The following PRPF31 variants were observed in gnomAD, a reference collection of about 807,000 sequenced individuals.
The protein encoded by PRPF31 is U4/U6 small nuclear ribonucleoprotein Prp31.
PRPF31 carries 12 observed loss-of-function variants against 60.4 expected under a neutral mutation model. That is an observed-to-expected ratio of 0.20 (90% confidence interval 0.13 to 0.32). The LOEUF is 0.32. PRPF31 is among the 10% of genes least tolerant of loss of function. PRPF31 has a pLI of 1.00. For missense variants in PRPF31, 431 were observed against 687.1 expected (o/e 0.63, Z 4.17); for synonymous variants, 287 against 287.9 (o/e 1.00, Z 0.03).
chr19:54,121,993 C>A lies in PRPF31; in HGVS notation c.322+50C>A, dbSNP rs373108364. ...ACAGCCCCGTGTGACGTCCCTCACG[C>A]CCCCTCTCCCTTCCCCACTGGCCTT... On this transcript the variant is annotated intron_variant, in intron 4 of 13. Coordinates refer to ENST00000321030, the MANE Select transcript of PRPF31 (RefSeq NM_015629.4). The A allele has an allele frequency of 1.8e-5, 27 of 1,537,610 alleles. No individual in the cohort carries two copies. In the African/African-American group the frequency reaches 3.4e-4, roughly 19 times the overall value.
intron 8 of PRPF31, among the ~76,000 whole-genome samples, chr19:54,126,011 G>A (rs2073912590): frequency 6.6e-6 from 1 of 152,234 alleles, no homozygotes. Context: ...CTGTAAGGGA[G>A]GCCAGGGCTG....
At chr19:54,116,502 G>A (rs1043127183) in intron 1 of PRPF31, among the ~76,000 whole-genome samples, 1 of 152,110 alleles carries the variant, frequency 6.6e-6, no homozygotes, top group African/African-American at 2.4e-5. Flanking sequence ...CACCGCTCCC[G>A]GCCTTTTACA....
intron 8 of PRPF31, among the ~76,000 whole-genome samples, chr19:54,125,532 C>T (rs2073900284): frequency 6.6e-6 from 1 of 151,194 alleles, no homozygotes; most frequent in African/African-American, 2.4e-5. Flanking sequence ...GGTTCTGGGA[C>T]AGACAGGCCT....
chr19:54,118,715 G>A, intron 3 of PRPF31, 82 bp downstream of exon 3: 1 of 1,407,432 alleles, frequency 7.1e-7, no homozygotes, highest in South Asian at 1.2e-5. Context: ...TTGTGGCTGG[G>A]TATATCTCCT....
Position 54,118,611 on chromosome 19 carries a change from C to T in PRPF31, c.216C>T (p.Ser72=). 1 of 1,614,104 alleles carries T rather than the reference C, an allele frequency of 6.2e-7. No individual in the cohort carries two copies. ...EIMMKIEEYI[S]KQAKASEVMG... is the part of the protein sequence containing the mutation. ...TGATGAAGATTGAGGAGTATATCAG[C>T]AAGCAAGCCAAAGCTTCAGAAGGTG... is the stretch of plus-strand genomic sequence containing the variant. The change falls in exon 3 of 14, where the codon AGC becomes AGT. Residue 72 remains serine (S), a synonymous_variant. Coordinates refer to ENST00000321030, the MANE Select transcript of PRPF31 (RefSeq NM_015629.4).
At chr19:54,129,465 C>T (rs2146451402) in intron 13 of PRPF31, 95 bp downstream of exon 13, 1 of 1,413,134 alleles carries the variant, frequency 7.1e-7, no homozygotes, top group Non-Finnish European at 9.7e-7. Flanking sequence ...TGAGTCTCCT[C>T]ATGGGGCTGT....
At chr19:54,122,262 G>A (rs1424414285) in intron 4 of PRPF31, 5 of 631,416 alleles carry the variant, frequency 7.9e-6, no homozygotes, top group South Asian at 3.7e-5. Context: ...CCAGCAAGGC[G>A]CTTCTTTTCT....
chr19:54,130,517 T>C (rs1441112396), intron 13 of PRPF31, among the ~76,000 whole-genome samples: 33 of 151,466 alleles, frequency 2.2e-4, no homozygotes, highest in African/African-American at 7.0e-4. Flanking sequence ...CCCAGCTACT[T>C]GGGAGGCTGA....
chr19:54,115,875 G>C lies in PRPF31; in HGVS notation c.-9+78G>C, dbSNP rs1600316028. On this transcript the variant is annotated intron_variant, in intron 1 of 13. Transcript: ENST00000321030. ...AGAAGAAGTGTGTGAGGAAAAAGGCGGGTCTTTACAGCTTGGTTTTTGTTT... is the reference window on the plus strand; with the variant it reads ...AGAAGAAGTGTGTGAGGAAAAAGGCCGGTCTTTACAGCTTGGTTTTTGTTT... 3 of 192,774 alleles carry C rather than the reference G, an allele frequency of 1.6e-5. No individual in the cohort carries two copies. In the East Asian group the frequency reaches 2.5e-4, roughly 16 times the overall value. 11.9% of individuals were successfully genotyped at this position (192,774 alleles called of 1,614,324 possible). A position where few individuals can be genotyped will look rare whatever the true frequency, so the allele number is the denominator to read the frequency against.
intron 7 of PRPF31, chr19:54,124,245 ACG>A: frequency 7.9e-6 from 5 of 634,460 alleles, no homozygotes; most frequent in Admixed American, 2.9e-5. Context: ...CTTAGCACAA[ACG>A]TGGTGGTCAG....
At chr19:54,124,397 T>G in intron 7 of PRPF31, 102 bp from the exon 8 acceptor site, 6 of 1,103,760 alleles carry the variant, frequency 5.4e-6, no homozygotes, top group Non-Finnish European at 6.8e-6. Flanking sequence ...GAACTTCATG[T>G]AAAGGTGCCC....
chr19:54,128,971 G>C, intron 11 of PRPF31, 86 bp from the exon 12 acceptor site: 3 of 1,403,668 alleles, frequency 2.1e-6, no homozygotes, highest in Non-Finnish European at 2.0e-6. Context: ...GTGACCGCTG[G>C]GCTTCGGGCT....
At chr19:54,119,336 C>T (rs1396924212) in intron 3 of PRPF31, among the ~76,000 whole-genome samples, 1 of 150,920 alleles carries the variant, frequency 6.6e-6, no homozygotes, top group African/African-American at 2.4e-5. Flanking sequence ...GAGCCGAGAT[C>T]GTGCCACTGC....
chr19:54,127,683 A>G (rs2146441808), intron 9 of PRPF31, among the ~76,000 whole-genome samples: 1 of 152,206 alleles, frequency 6.6e-6, no homozygotes, highest in Non-Finnish European at 1.5e-5. Context: ...GGGAGAGGAG[A>G]CGTTTTCTGT....
intron 8 of PRPF31, chr19:54,125,150 A>C (rs1437654089): frequency 4.5e-6 from 1 of 220,334 alleles, no homozygotes; most frequent in Non-Finnish European, 9.3e-6. Context: ...CTCTCCCTGC[A>C]GTCGGGACAC....
chr19:54,121,397 A>G (rs2073785137), intron 3 of PRPF31, among the ~76,000 whole-genome samples: 1 of 137,492 alleles, frequency 7.3e-6, no homozygotes, highest in African/African-American at 2.6e-5. Flanking sequence ...GTGTGGTGAG[A>G]GGATGGGGCG....
intron 5 of PRPF31, chr19:54,122,859 A>G (rs2073826853): frequency 1.7e-6 from 1 of 585,604 alleles, no homozygotes; most frequent in African/African-American, 1.9e-5. Context: ...GTGGCATTGG[A>G]GTTGACATCC....
At chr19:54,120,895 T>C (rs1297204326) in intron 3 of PRPF31, among the ~76,000 whole-genome samples, 1 of 152,196 alleles carries the variant, frequency 6.6e-6, no homozygotes, top group African/African-American at 2.4e-5. Context: ...ATTACAGGTA[T>C]GAGCCACTGT....
At position 54,122,494 on chromosome 19, in the gene PRPF31, T is replaced by C. The variant is rs758108676; in HGVS notation, c.323-3T>C. On this transcript the variant is annotated splice_region_variant and splice_polypyrimidine_tract_variant and intron_variant, in intron 4 of 13. Transcript: ENST00000321030. Reference sequence around the variant, plus strand: ...CGACAACCTCCTGTCCCGTTTACCCTAGACATCATCCATAAGTTCATCCGG... The same window carrying C: ...CGACAACCTCCTGTCCCGTTTACCCCAGACATCATCCATAAGTTCATCCGG... 8 of 1,611,646 alleles carry C rather than the reference T, an allele frequency of 5.0e-6. No homozygotes were observed. The Admixed American group carries it at 1.2e-4, about 24-fold the overall frequency.
Sources: allele counts gnomAD v4.1 joint callset (sites outside exome capture counted in the v4.1 genomes callset), GRCh38; gene constraint gnomAD v4.1.1; transcripts MANE v1.5; gene names NCBI Gene and HGNC (gene_info 2026-07-23, HGNC 2026-07-21).